The following BABAM2 variants were observed in gnomAD, a reference collection of about 807,000 sequenced individuals.
BABAM2 encodes the protein BRISC and BRCA1 A complex member 2, also known as BRISC and BRCA1-A complex member 2.
Under a neutral mutation model 54.7 loss-of-function variants are expected in BABAM2, and 31 were observed. The observed-to-expected ratio is 0.57, with a 90% CI of 0.43 to 0.77. The LOEUF is 0.77. BABAM2 is among the 30% of genes least tolerant of loss of function. BABAM2 has a pLI of 0.00. For synonymous variants in BABAM2, 167 were observed against 162.9 expected (o/e 1.03, Z -0.19); for missense variants, 364 against 455.8 (o/e 0.80, Z 1.83).
chr2:28,008,627 G>A (rs892786384), intron 4 of BABAM2, among the ~76,000 whole-genome samples: 3 of 152,164 alleles, frequency 2.0e-5, no homozygotes, highest in South Asian at 2.1e-4. Context: ...AAACATTTGA[G>A]AGAAAAGATG....
intron 2 of BABAM2, among the ~76,000 whole-genome samples, chr2:27,913,923 T>A (rs1016158382): frequency 6.6e-6 from 1 of 152,194 alleles, no homozygotes; most frequent in South Asian, 2.1e-4. Context: ...GATAGGCACA[T>A]TGCCAATTTT....
chr2:27,920,895 T>C (rs1667297770), intron 2 of BABAM2, among the ~76,000 whole-genome samples: 1 of 152,252 alleles, frequency 6.6e-6, no homozygotes, highest in Admixed American at 6.5e-5. Flanking sequence ...TATTTTCTTA[T>C]ATTTTGCATT....
At chr2:28,007,073 A>G (rs1306422961) in intron 4 of BABAM2, among the ~76,000 whole-genome samples, 1 of 151,982 alleles carries the variant, frequency 6.6e-6, no homozygotes, top group Non-Finnish European at 1.5e-5. Context: ...AAGAGACTTT[A>G]TAGCATCAGT....
At chr2:28,002,365 A>C (rs1178704364) in intron 4 of BABAM2, among the ~76,000 whole-genome samples, 1 of 152,208 alleles carries the variant, frequency 6.6e-6, no homozygotes, top group East Asian at 1.9e-4. Context: ...GGGGAATAGA[A>C]TGTGCTGATG....
chr2:28,252,086 T>A (rs1168030160), intron 10 of BABAM2, among the ~76,000 whole-genome samples: 1 of 151,482 alleles, frequency 6.6e-6, no homozygotes, highest in African/African-American at 2.4e-5. Flanking sequence ...TGGGAGAGGC[T>A]GAGATAGGAG....
intron 6 of BABAM2, among the ~76,000 whole-genome samples, chr2:28,056,971 A>G (rs1021202328): frequency 3.3e-5 from 5 of 152,172 alleles, no homozygotes; most frequent in African/African-American, 1.2e-4. Flanking sequence ...TTTAGTATGT[A>G]ATTTACTAGA....
chr2:28,077,940 C>T (rs571075243), intron 6 of BABAM2, among the ~76,000 whole-genome samples: 23 of 152,202 alleles, frequency 1.5e-4, no homozygotes, highest in Admixed American at 3.9e-4. Context: ...TAGATGTTTG[C>T]GCCATTTACA....
intron 5 of BABAM2, among the ~76,000 whole-genome samples, chr2:28,042,263 G>A (rs920992495): frequency 3.9e-5 from 6 of 152,154 alleles, no homozygotes; most frequent in Non-Finnish European, 7.4e-5. Context: ...TTAAAAAAAG[G>A]TCTGGGATGA....
chr2:28,103,117 T>G (rs1316411844), intron 6 of BABAM2, among the ~76,000 whole-genome samples: 1 of 151,854 alleles, frequency 6.6e-6, no homozygotes, highest in Non-Finnish European at 1.5e-5. Context: ...TTGGGAAAAT[T>G]TACTCAATAC....
chr2:28,298,639 T>TCC (rs1687882940), intron 11 of BABAM2, 148 bp downstream of exon 11: 1 of 996,878 alleles, frequency 1.0e-6, no homozygotes, highest in Non-Finnish European at 1.4e-6. Flanking sequence ...CACCCATTTC[T>TCC]TTACTTATTA....
At chr2:28,081,159 C>T (rs1273209710) in intron 6 of BABAM2, among the ~76,000 whole-genome samples, 4 of 152,184 alleles carry the variant, frequency 2.6e-5, no homozygotes, top group Non-Finnish European at 4.4e-5. Context: ...CAGCCAGCCA[C>T]ATAGATTCGC....
At chr2:28,254,465 A>G (rs962067404) in intron 10 of BABAM2, among the ~76,000 whole-genome samples, 5 of 151,888 alleles carry the variant, frequency 3.3e-5, no homozygotes, top group African/African-American at 1.2e-4. Context: ...TTTTAACTGA[A>G]TAAATCCAGA....
intron 6 of BABAM2, among the ~76,000 whole-genome samples, chr2:28,068,112 A>G (rs1455296188): frequency 6.6e-6 from 1 of 152,156 alleles, no homozygotes; most frequent in East Asian, 1.9e-4. Context: ...AAGAAACATA[A>G]AAGGGAATAT....
chr2:28,133,273 T>A (rs1670245302), intron 7 of BABAM2, among the ~76,000 whole-genome samples: 1 of 152,230 alleles, frequency 6.6e-6, no homozygotes, highest in South Asian at 2.1e-4. Flanking sequence ...CTGACTGTGC[T>A]AAGCTCTCAT....
intron 7 of BABAM2, among the ~76,000 whole-genome samples, chr2:28,198,594 G>A (rs4666042): frequency 0.72 from 109,845 of 152,090 alleles, 40,201 homozygotes; most frequent in Admixed American, 0.8. Flanking sequence ...CCTGCTGTGT[G>A]TCCATAGTAC....
chr2:27,890,434 A>C, upstream of BABAM2: 3 of 1,290,422 alleles, frequency 2.3e-6, no homozygotes, highest in Non-Finnish European at 3.2e-6. The surrounding 1 kb of genome is among the most constrained non-coding windows in gnomAD (Gnocchi z 4.8). Flanking sequence ...GCCCTCCCTA[A>C]CGACGCGGGC....
At chr2:28,259,074 CTTTTTTTTTTTTTTTTTT>C (rs70956009) in intron 10 of BABAM2, among the ~76,000 whole-genome samples, 10 of 23,444 alleles carry the variant, frequency 4.3e-4, no homozygotes, top group African/African-American at 8.9e-4. Flanking sequence ...TGCACCTGGC[CTTTTTTTTTTTTTTTTTT>C]TTTTTTTTTT....
At chr2:27,903,524 T>C (rs1445975573) in intron 2 of BABAM2, among the ~76,000 whole-genome samples, 1 of 152,196 alleles carries the variant, frequency 6.6e-6, no homozygotes, top group African/African-American at 2.4e-5. Context: ...AGAAGCTCTC[T>C]CTGAGGAACT....
intron 3 of BABAM2, among the ~76,000 whole-genome samples, chr2:27,983,952 TTTTTTTTTTGCCAAA>T (rs1672210132): frequency 7.2e-6 from 1 of 139,480 alleles, no homozygotes; most frequent in Non-Finnish European, 1.6e-5. Context: ...CTTTTTTTTT[TTTTTTTTTTGCCAAA>T]TTGTTCTTGC....
Sources: gnomAD v4.1 joint callset for allele counts (sites outside exome capture counted in the v4.1 genomes callset) on GRCh38, gnomAD v4.1.1 for gene constraint, Gnocchi (gnomAD v3.1) non-coding constraint, MANE v1.5 for transcripts, NCBI Gene and HGNC (gene_info 2026-07-23, HGNC 2026-07-21) for gene names.